Variants in MESD observed in about 807,000 individuals in gnomAD.
MESD encodes mesoderm development LRP chaperone, also known as LRP chaperone MESD.
Under a neutral mutation model 12.9 loss-of-function variants are expected in MESD, and 7 were observed. That is an observed-to-expected ratio of 0.54 (90% CI 0.31 to 1.02). The LOEUF (loss-of-function observed/expected upper bound fraction) is 1.02, where lower values mean the gene tolerates loss of function less well. Ranked by LOEUF, MESD falls within the 50% of genes least tolerant of loss-of-function variation. The pLI, the probability that MESD is intolerant of heterozygous loss-of-function variation, is 0.05. For synonymous variants in MESD, 126 were observed against 115.6 expected (o/e 1.09, Z -0.58); for missense variants, 342 against 296.7 (o/e 1.15, Z -1.12).
At position 80,989,755 on chromosome 15, in the gene MESD, G is replaced by A. The variant is rs754324395; in HGVS notation, c.37C>T (p.Leu13=). The A allele has an allele frequency of 1.2e-5, 20 of 1,600,594 alleles. 1 individual carries two copies. The East Asian group carries it at 4.5e-4, about 36-fold the overall frequency. ...ASRWARKAVV[L]LCASDLLLLL... is the part of the protein sequence containing the mutation. ...AGCAGCAGGTCAGAGGCACAAAGCA[G>A]GACCACGGCCTTGCGCGCCCACCTG... The change falls in exon 1 of 3, where the codon CTG becomes TTG. Residue 13 remains leucine, a synonymous_variant. Coordinates refer to ENST00000261758, the MANE Select transcript of MESD (RefSeq NM_015154.3).
At position 80,978,904 on chromosome 15, in the gene MESD, G is replaced by GCTT. The variant is rs563889410; in HGVS notation, c.*314_*315insAAG. ...TCACAGCAGGTGCTTGGAGGGGAGT[G>GCTT]GAATCTCAGTAGAGTTGATGACTCA... On this transcript the variant is annotated 3_prime_UTR_variant, in exon 3 of 3. Coordinates refer to ENST00000261758, the MANE Select transcript of MESD (RefSeq NM_015154.3). The GCTT allele has an allele frequency of 7.0e-4, 262 of 372,304 alleles. No individual in the cohort carries two copies. The East Asian group carries it at 0.012, about 17-fold the overall frequency. The allele number at this position is 372,304 out of a possible 1,614,324, so 23.1% of individuals were successfully genotyped here. A position where few individuals can be genotyped will look rare whatever the true frequency, so the allele number is the denominator to read the frequency against.
intron 1 of MESD, among the ~76,000 whole-genome samples, chr15:80,987,558 G>C (rs1306833284): frequency 6.7e-6 from 1 of 149,502 alleles, no homozygotes; most frequent in Non-Finnish European, 1.5e-5. Flanking sequence ...GCATGATCTT[G>C]GCTCACTGCA....
At chr15:80,986,031 AAG>A (rs1378474561) in intron 1 of MESD, among the ~76,000 whole-genome samples, 2 of 152,104 alleles carry the variant, frequency 1.3e-5, no homozygotes, top group Admixed American at 1.3e-4. Context: ...AAATTGTTTC[AAG>A]AGACTTAAAA....
intron 1 of MESD, among the ~76,000 whole-genome samples, chr15:80,984,936 G>T (rs565325490): frequency 6.6e-6 from 1 of 152,196 alleles, no homozygotes; most frequent in Non-Finnish European, 1.5e-5. Flanking sequence ...CCATACCGAC[G>T]TCAGACCTGG....
downstream of MESD, among the ~76,000 whole-genome samples, chr15:80,972,704 C>T (rs776918918): frequency 6.6e-6 from 1 of 152,160 alleles, no homozygotes; most frequent in Non-Finnish European, 1.5e-5. Flanking sequence ...AAACGCTGAA[C>T]GCAGAGACCA....
At chr15:80,949,323 C>T (rs553161581) in intron 4 of MESD, 3 of 341,736 alleles carry the variant, frequency 8.8e-6, no homozygotes, top group South Asian at 7.4e-5. Context: ...TTCACAGATC[C>T]CCATGGTCTT....
exon 5 of MESD, chr15:80,948,468 G>A: frequency 2.6e-6 from 1 of 390,604 alleles, no homozygotes; most frequent in Non-Finnish European, 4.9e-6. Context: ...TTGTCCTAGG[G>A]GCAGCTCAAA....
At position 80,978,276 on chromosome 15, in the gene MESD, G is replaced by A. The variant is rs1902473871; in HGVS notation, c.*943C>T. On this transcript the variant is annotated 3_prime_UTR_variant, in exon 3 of 3. Coordinates refer to ENST00000261758, the MANE Select transcript of MESD (RefSeq NM_015154.3). ...CCAAAGAATTTTAGTTCTTAGAAAT[G>A]ACATCTGTATATAAATGTTCTAACT... The A allele has an allele frequency of 6.6e-6, 1 of 152,128 alleles. No homozygotes were observed. The highest frequency in any genetic ancestry group is 2.4e-5 in the African/African-American group (1 of 41,416). The allele number at this position is 152,128 out of a possible 1,614,324, so 9.4% of individuals were successfully genotyped here.
intron 2 of MESD, among the ~76,000 whole-genome samples, chr15:80,981,298 G>T (rs1327602904): frequency 2.0e-5 from 3 of 151,684 alleles, no homozygotes; most frequent in East Asian, 2.0e-4. Context: ...TTAGCTGGGC[G>T]TGGTGGCAGG....
chr15:80,955,672 G>A (rs1901965412), intron 3 of MESD, among the ~76,000 whole-genome samples: 1 of 150,674 alleles, frequency 6.6e-6, no homozygotes, highest in African/African-American at 2.4e-5. Context: ...CCAGGCTGGA[G>A]TGAAGTGATG....
downstream of MESD, among the ~76,000 whole-genome samples, chr15:80,974,632 C>CA (rs1252023820): frequency 7.1e-6 from 1 of 140,788 alleles, no homozygotes; most frequent in African/African-American, 2.6e-5. Flanking sequence ...GATACCAATA[C>CA]AAAACTAAAG....
rs1902397813 is a variant in MESD at position 80,975,795 on chromosome 15, T to C, written c.*3424A>G. The C allele has an allele frequency of 6.6e-6, 1 of 152,058 alleles. No individual in the cohort carries two copies. 9.4% of individuals were successfully genotyped at this position (152,058 alleles called of 1,614,324 possible). A position where few individuals can be genotyped will look rare whatever the true frequency, so the allele number is the denominator to read the frequency against. On this transcript the variant is annotated 3_prime_UTR_variant, in exon 3 of 3. Coordinates refer to ENST00000261758, the MANE Select transcript of MESD (RefSeq NM_015154.3). ...CATCCAAATTTATTAGATCACTAGA[T>C]ATTAAAACAAACAAGACAAAAAGGA...
intron 3 of MESD, chr15:80,970,360 A>C (rs1902259093): frequency 6.6e-6 from 1 of 152,220 alleles, no homozygotes; most frequent in Non-Finnish European, 1.5e-5. Flanking sequence ...GGTGGAGAGA[A>C]TGAACAATTC....
chr15:80,985,435 A>G (rs1183263532), intron 1 of MESD, among the ~76,000 whole-genome samples: 1 of 152,072 alleles, frequency 6.6e-6, no homozygotes, highest in Non-Finnish European at 1.5e-5. Flanking sequence ...CACTGCATGG[A>G]AATTATACTC....
chr15:80,955,494 A>G (rs1421906437), intron 3 of MESD, among the ~76,000 whole-genome samples: 4 of 151,298 alleles, frequency 2.6e-5, no homozygotes, highest in Non-Finnish European at 1.5e-5. Flanking sequence ...TCTCAAAAAA[A>G]AAAAAAAAAA....
chr15:80,954,884 T>A (rs1901935743), intron 3 of MESD, among the ~76,000 whole-genome samples: 1 of 152,190 alleles, frequency 6.6e-6, no homozygotes, highest in Non-Finnish European at 1.5e-5. Context: ...AGTGTTAGTG[T>A]ATTTTACGTA....
At chr15:80,967,156 G>C (rs1252773331) in intron 3 of MESD, among the ~76,000 whole-genome samples, 1 of 152,134 alleles carries the variant, frequency 6.6e-6, no homozygotes, top group Non-Finnish European at 1.5e-5. Context: ...GCTGGGCATG[G>C]TGGTGCATGC....
intron 3 of MESD, among the ~76,000 whole-genome samples, chr15:80,956,829 T>C (rs1220555290): frequency 6.6e-6 from 1 of 152,060 alleles, no homozygotes; most frequent in African/African-American, 2.4e-5. Context: ...TCTTTTTTTT[T>C]GTTTGAGACA....
Position 80,977,829 on chromosome 15 carries a change from C to CT in MESD, c.*1389dup, listed in dbSNP as rs769493255. On this transcript the variant is annotated 3_prime_UTR_variant, in exon 3 of 3. Coordinates refer to ENST00000261758, the MANE Select transcript of MESD (RefSeq NM_015154.3). Reference sequence around the variant, plus strand: ...GAACAAGAAAAGCCTCTTTCAGGGCCTAGTACCCTAGTACGGTAGATCACA... The same window carrying CT: ...GAACAAGAAAAGCCTCTTTCAGGGCCTTAGTACCCTAGTACGGTAGATCACA... The CT allele has an allele frequency of 2.6e-5, 4 of 152,192 alleles. No homozygotes were observed. Among genetic ancestry groups the CT allele is most frequent in the Non-Finnish European group, 4.4e-5 (3 of 68,066 alleles). 9.4% of individuals were successfully genotyped at this position (152,192 alleles called of 1,614,324 possible).
Sources: allele counts gnomAD v4.1 joint callset (sites outside exome capture counted in the v4.1 genomes callset), GRCh38; gene constraint gnomAD v4.1.1; transcripts MANE v1.5; gene names NCBI Gene and HGNC (gene_info 2026-07-23, HGNC 2026-07-21).